NADK: variants seen among roughly 807,000 people sequenced by gnomAD.
NADK encodes NAD kinase.
In NADK, 22 loss-of-function variants were observed where a neutral mutation model predicts 49.8. The ratio of observed to expected loss-of-function variants is 0.44; its 90% CI spans 0.32 to 0.63. The LOEUF (loss-of-function observed/expected upper bound fraction) is 0.63, where lower values mean the gene tolerates loss of function less well. Among genes scored for constraint, NADK ranks in the 30% least tolerant of loss-of-function variants. The pLI is 0.06. For synonymous variants in NADK, 268 were observed against 253.7 expected (o/e 1.06, Z -0.54); for missense variants, 438 against 609.4 (o/e 0.72, Z 2.96).
intron 1 of NADK, among the ~76,000 whole-genome samples, chr1:1,776,090 C>T (rs1646202603): frequency 6.6e-6 from 1 of 152,212 alleles, no homozygotes; most frequent in Non-Finnish European, 1.5e-5. Context: ...TCCTACCACA[C>T]CTGCAGACTG....
intron 1 of NADK, among the ~76,000 whole-genome samples, chr1:1,774,819 C>A (rs1374946220): frequency 2.0e-5 from 3 of 151,796 alleles, no homozygotes; most frequent in East Asian, 3.9e-4. Context: ...TTTAAAAAAC[C>A]TTTGTAGGGC....
At chr1:1,761,746 A>G in intron 3 of NADK, 1 of 515,286 alleles carries the variant, frequency 1.9e-6, no homozygotes, top group Non-Finnish European at 3.5e-6. Flanking sequence ...CAGGGGGTTC[A>G]GGGAGGACGC....
intron 1 of NADK, among the ~76,000 whole-genome samples, chr1:1,766,137 C>T (rs1645878349): frequency 6.6e-6 from 1 of 151,546 alleles, no homozygotes; most frequent in African/African-American, 2.4e-5. Flanking sequence ...AGCCCATGAG[C>T]GAGACCCTGT....
rs767595722 is a variant in NADK at position 1,756,213 on chromosome 1, C to T, written c.585+45G>A. ...CTTGTGAGCCCCTCGTTACGCAGCA[C>T]CTAGACTAGAACCTGGTGTGGGTCT... On this transcript the variant is annotated intron_variant, in intron 6 of 11. Coordinates refer to ENST00000341426, the MANE Select transcript of NADK (RefSeq NM_023018.5). 4.5e-6 allele frequency: 7 copies of T among 1,547,880 alleles called. No homozygotes were observed. The South Asian group carries it at 6.7e-5, about 15-fold the overall frequency.
At chr1:1,763,681 G>A (rs534248267) in intron 2 of NADK, among the ~76,000 whole-genome samples, 3 of 151,164 alleles carry the variant, frequency 2.0e-5, no homozygotes, top group Middle Eastern at 3.4e-3. Context: ...ACTTACTTAC[G>A]AACTGAAAAG....
Position 1,754,116 on chromosome 1 carries a change from T to G in NADK, c.1036A>C (p.Thr346Pro). 1 of 1,610,168 alleles carries G rather than the reference T, an allele frequency of 6.2e-7. No individual in the cohort carries two copies. The highest frequency in any genetic ancestry group is 8.5e-7 in the Non-Finnish European group (1 of 1,178,524). ...GACAGCGAGTGGGGGCAGATGGGCG[T>G]GATCATGATGGCCGGCACGTTGGGG... is the stretch of plus-strand genomic sequence containing the variant. ...IHPNVPAIMI[T>P]PICPHSLSFR... The change falls in exon 10 of 12, where the codon ACG (threonine) becomes CCG (proline). Residue 346 changes from threonine (T) to proline (P), a missense_variant. By Grantham distance (38) the Thr-to-Pro change is conservative (BLOSUM62 -1). Coordinates refer to ENST00000341426, the MANE Select transcript of NADK (RefSeq NM_023018.5). The surrounding 1 kb of genome is among the most constrained non-coding windows in gnomAD (Gnocchi z 4.3).
Position 1,765,248 on chromosome 1 carries a change from C to T in NADK, c.159G>A (p.Leu53=). 1 of 1,610,516 alleles carries T rather than the reference C, an allele frequency of 6.2e-7. No homozygotes were observed. The highest frequency in any genetic ancestry group is 8.5e-7 in the Non-Finnish European group (1 of 1,178,348). The change falls in exon 2 of 12, where the codon CTG becomes CTA. Residue 53 remains leucine (L), a synonymous_variant. Transcript: ENST00000341426. ...KSRSLSASPA[L]GSTKEFRRTR... is the part of the protein sequence containing the mutation. ...TGTACCTGAACTCCTTGGTGCTCCC[C>T]AGGGCGGGCGAGGCAGACAGGCTGC...
At chr1:1,766,410 C>CAAAAAAAAAA (rs70937193) in intron 1 of NADK, among the ~76,000 whole-genome samples, 2 of 27,004 alleles carry the variant, frequency 7.4e-5, no homozygotes, top group Non-Finnish European at 9.6e-5. Flanking sequence ...AACTCCGTCT[C>CAAAAAAAAAA]AAAAAAAAAA....
In NADK at chr1:1,754,610, C is replaced by T; in HGVS notation, c.777G>A (p.Leu259=). The T allele has an allele frequency of 1.2e-6, 2 of 1,614,010 alleles. No homozygotes were observed. The highest frequency in any genetic ancestry group is 3.3e-5 in the Admixed American group (2 of 60,022). Residue 259 remains leucine, a synonymous_variant, in exon 8 of 12, where the codon CTG becomes CTA. Coordinates refer to ENST00000341426, the MANE Select transcript of NADK (RefSeq NM_023018.5). This position sits in a 1 kb window ranked among gnomAD's most constrained non-coding sequence, Gnocchi z 4.3. ...RGKKTAVHNG[L]GENGSQAAGL... is the part of the protein sequence containing the mutation. ...CTGCAGCCTGCGAGCCGTTCTCACC[C>T]AGCCCATTGTGCACGGCCGTCTTCT...
rs1020321640 is a variant in NADK at position 1,752,553 on chromosome 1, G to A, written c.*351C>T. 1.4e-5 allele frequency: 3 copies of A among 213,056 alleles called. No individual in the cohort carries two copies. Among genetic ancestry groups the A allele is most frequent in the Non-Finnish European group, 2.8e-5 (3 of 107,222 alleles). The allele number at this position is 213,056 out of a possible 1,614,324, so 13.2% of individuals were successfully genotyped here. On this transcript the variant is annotated 3_prime_UTR_variant, in exon 12 of 12. Transcript: ENST00000341426. ...CATTTATTATCAACATTGAAGGACA[G>A]GTCGAGTCATTCTGACTCCTCTGAA...
intron 5 of NADK, 60 bp from the exon 6 acceptor site, chr1:1,756,403 A>T: frequency 1.2e-6 from 2 of 1,607,058 alleles, no homozygotes; most frequent in Non-Finnish European, 1.7e-6. Context: ...TCTGTGGCGC[A>T]GTGCGCAGAC....
chr1:1,762,956 C>T (rs1035733822), intron 2 of NADK, among the ~76,000 whole-genome samples: 3 of 152,208 alleles, frequency 2.0e-5, no homozygotes, highest in Non-Finnish European at 2.9e-5. Context: ...AGGCTGCCCT[C>T]GTCCTAGGTG....
chr1:1,754,890 T>C lies in NADK; in HGVS notation c.689-192A>G, dbSNP rs1176508945. 1.4e-5 allele frequency: 8 copies of C among 564,432 alleles called. No homozygotes were observed. The South Asian group carries it at 1.9e-4, about 13-fold the overall frequency. The allele number at this position is 564,432 out of a possible 1,614,324, so 35.0% of individuals were successfully genotyped here. Reference sequence around the variant, plus strand: ...AGGCTGGAATGCAGTGGTGTGATCTTGGCTCACTGCAACCTCTGCCTCCCA... The same window carrying C: ...AGGCTGGAATGCAGTGGTGTGATCTCGGCTCACTGCAACCTCTGCCTCCCA... On this transcript the variant is annotated intron_variant, in intron 7 of 11. Transcript: ENST00000341426. The surrounding 1 kb of genome is among the most constrained non-coding windows in gnomAD (Gnocchi z 4.3).
rs909346204 is a variant in NADK at position 1,762,759 on chromosome 1, A to G, written c.180-724T>C. On this transcript the variant is annotated intron_variant, in intron 2 of 11. Transcript: ENST00000341426. Reference sequence around the variant, plus strand: ...CTGAAAAAAGTGAAACTCTGTCTCAAAATGAATGAATGAATGAATGAATGA... The same window carrying G: ...CTGAAAAAAGTGAAACTCTGTCTCAGAATGAATGAATGAATGAATGAATGA... 2.7e-3 allele frequency among the ~76,000 whole-genome samples: 405 copies of G among 149,062 alleles called. 2 individuals are homozygous for G. Among genetic ancestry groups the G allele is most frequent in the African/African-American group, 9.3e-3 (366 of 39,188 alleles).
At chr1:1,775,627 A>C (rs1646189409) in intron 1 of NADK, among the ~76,000 whole-genome samples, 1 of 152,200 alleles carries the variant, frequency 6.6e-6, no homozygotes, top group African/African-American at 2.4e-5. Flanking sequence ...GGGGCAGATG[A>C]AGAAAACAGG....
chr1:1,753,085 A>G, intron 11 of NADK, 25 bp from the exon 12 acceptor site: 1 of 1,591,928 alleles, frequency 6.3e-7, no homozygotes, highest in Non-Finnish European at 8.6e-7. Context: ...CAGCAGCCTG[A>G]GCCAGGGCTT....
chr1:1,757,146 G>GCC (rs971935478), intron 4 of NADK, 35 bp downstream of exon 4: 2 of 1,524,044 alleles, frequency 1.3e-6, no homozygotes, highest in Non-Finnish European at 1.8e-6. Flanking sequence ...AACTCCATGT[G>GCC]CACCCCAGGC....
intron 3 of NADK, chr1:1,758,669 A>G: frequency 7.4e-7 from 1 of 1,348,086 alleles, no homozygotes; most frequent in Non-Finnish European, 9.5e-7. Context: ...CTACACTTAT[A>G]AAAATCAAAC....
At chr1:1,773,702 G>GTA (rs1646121239) in intron 1 of NADK, among the ~76,000 whole-genome samples, 1 of 103,532 alleles carries the variant, frequency 9.7e-6, no homozygotes, top group African/African-American at 2.9e-5. Flanking sequence ...GTGTGTGTGT[G>GTA]TGTGTGTGTG....
Sources: allele counts gnomAD v4.1 joint callset (sites outside exome capture counted in the v4.1 genomes callset), GRCh38; gene constraint gnomAD v4.1.1; non-coding constraint Gnocchi (gnomAD v3.1); transcripts MANE v1.5; gene names NCBI Gene and HGNC (gene_info 2026-07-23, HGNC 2026-07-21).